Variants in PRDM10 observed in about 807,000 individuals in gnomAD.
PRDM10 encodes the protein PR domain zinc finger protein 10.
Under a neutral mutation model 133.1 loss-of-function variants are expected in PRDM10, and 65 were observed. The observed-to-expected ratio is 0.49, with a 90% CI of 0.40 to 0.60. The LOEUF (loss-of-function observed/expected upper bound fraction) is 0.60, where lower values mean the gene tolerates loss of function less well. PRDM10 is among the 20% of genes least tolerant of loss of function. The pLI is 0.00. For missense variants in PRDM10, 1,137 were observed against 1,507.1 expected, an observed-to-expected ratio of 0.75 and a Z score of 4.07; for synonymous variants, 582 against 580.4, an observed-to-expected ratio of 1.00 and a Z score of -0.04.
intron 4 of PRDM10, among the ~76,000 whole-genome samples, chr11:129,955,226 C>T (rs1004760302): frequency 1.3e-5 from 2 of 152,056 alleles, no homozygotes; most frequent in East Asian, 3.8e-4. Flanking sequence ...ACTTTTAAAC[C>T]TCATGATTAT....
chr11:129,998,178 A>T (rs955119235), intron 1 of PRDM10, among the ~76,000 whole-genome samples: 1 of 150,698 alleles, frequency 6.6e-6, no homozygotes, highest in African/African-American at 2.5e-5. Flanking sequence ...GAAAGATATT[A>T]TTTTTTTCTA....
At chr11:129,957,382 G>A (rs770284202) in intron 3 of PRDM10, among the ~76,000 whole-genome samples, 11 of 151,996 alleles carry the variant, frequency 7.2e-5, no homozygotes, top group African/African-American at 1.5e-4. Context: ...GCAGTGGCGC[G>A]ATCTCGGCTC....
chr11:129,932,527 C>G (rs190230226), intron 9 of PRDM10, among the ~76,000 whole-genome samples: 35 of 152,322 alleles, frequency 2.3e-4, no homozygotes, highest in Admixed American at 2.2e-3. Context: ...GCAGACAGGA[C>G]AGAACATGCT....
rs560102434 is a variant in PRDM10, at chr11:129,900,057, C to T, written c.*2256G>A. 6.5e-6 allele frequency: 1 copy of T among 152,722 alleles called. No homozygotes were observed. The highest frequency in any genetic ancestry group is 2.1e-4 in the South Asian group (1 of 4,828). The allele number at this position is 152,722 out of a possible 1,614,324, so 9.5% of individuals were successfully genotyped here. ...GATAAAAACAAAATCTACATCCAAC[C>T]TACTCCAAAATACTCACACTGGACT... On this transcript the variant is annotated 3_prime_UTR_variant, in exon 21 of 21. Transcript: ENST00000360871.
At chr11:129,961,957 C>T (rs1001143653) in intron 1 of PRDM10, among the ~76,000 whole-genome samples, 7 of 152,066 alleles carry the variant, frequency 4.6e-5, no homozygotes, top group African/African-American at 1.4e-4. Context: ...TCCTTGTAGA[C>T]ACTAACTTCC....
Position 129,915,728 on chromosome 11 carries a change from G to A in PRDM10, c.2458C>T (p.Gln820Ter). Residue 820 changes from glutamine (Q) to a stop codon, truncating the protein, a stop_gained, in exon 16 of 21, where the codon CAG becomes TAG. Coordinates refer to ENST00000360871, the MANE Select transcript of PRDM10 (RefSeq NM_199437.2). LOFTEE classifies it high-confidence loss of function. ...GGGGTGGCGATGGTGCCCGTCAGCT[G>A]GGTGTGTGTGCTCAGCATGGGGTCT... is the stretch of plus-strand genomic sequence containing the variant. ...EPDPMLSTHTQLTGTIATPPV... is the reference protein window; with the variant it reads ...EPDPMLSTHT The A allele has an allele frequency of 6.2e-7, 1 of 1,614,144 alleles. No homozygotes were observed. The highest frequency in any genetic ancestry group is 8.5e-7 in the Non-Finnish European group (1 of 1,180,020).
In PRDM10 at chr11:129,932,209, G is replaced by C; in HGVS notation, c.1180C>G (p.Arg394Gly). 1.9e-6 allele frequency: 3 copies of C among 1,613,894 alleles called. No homozygotes were observed. The highest frequency in any genetic ancestry group is 2.2e-5 in the South Asian group (2 of 91,066). Reference protein sequence around the residue: ...FSRTRGRGRGRGKRRFGPGRR... With the variant: ...FSRTRGRGRGGGKRRFGPGRR... Reference sequence around the variant, plus strand: ...CCTGGACCGAATCGCCTCTTGCCTCGTCCCCTTCCTCTGCCTCTTGTTCTG... The same window carrying C: ...CCTGGACCGAATCGCCTCTTGCCTCCTCCCCTTCCTCTGCCTCTTGTTCTG... Residue 394 changes from arginine (R) to glycine (G), a missense_variant, in exon 10 of 21, where the codon CGA becomes GGA. Physicochemically the swap from Arg to Gly is moderately radical, Grantham distance 125. Around this residue, in one of 6 missense-constraint regions of PRDM10, gnomAD observed 635 missense variants for 835.2 expected, o/e 0.76. Transcript: ENST00000360871.
intron 1 of PRDM10, among the ~76,000 whole-genome samples, chr11:129,968,128 T>C (rs1160388925): frequency 6.6e-6 from 1 of 152,214 alleles, no homozygotes; most frequent in African/African-American, 2.4e-5. Context: ...ACTTAAAATG[T>C]TGTGACACAC....
At chr11:129,946,214 C>T (rs986561975) in intron 5 of PRDM10, among the ~76,000 whole-genome samples, 1 of 151,794 alleles carries the variant, frequency 6.6e-6, no homozygotes, top group African/African-American at 2.4e-5. Flanking sequence ...TGAACCACTG[C>T]ACTCCAGCTT....
chr11:129,977,176 C>G (rs1239418311), intron 1 of PRDM10, among the ~76,000 whole-genome samples: 1 of 151,758 alleles, frequency 6.6e-6, no homozygotes, highest in Non-Finnish European at 1.5e-5. Flanking sequence ...GAGCACAGTG[C>G]CCCTCTTATC....
intron 1 of PRDM10, among the ~76,000 whole-genome samples, chr11:129,987,634 T>C (rs926517744): frequency 1.3e-5 from 2 of 151,744 alleles, no homozygotes; most frequent in African/African-American, 4.9e-5. Flanking sequence ...ATGGAAACGA[T>C]CCAAATACTC....
intron 13 of PRDM10, among the ~76,000 whole-genome samples, chr11:129,920,024 T>C (rs1950476031): frequency 6.6e-6 from 1 of 152,194 alleles, no homozygotes; most frequent in African/African-American, 2.4e-5. Flanking sequence ...GACAGTATCT[T>C]TCTTTAGTGT....
rs577602114 is a variant in PRDM10, at chr11:129,987,883, T to C, written c.-119+14839A>G. On this transcript the variant is annotated intron_variant, in intron 1 of 20. Coordinates refer to ENST00000360871, the MANE Select transcript of PRDM10 (RefSeq NM_199437.2). ...GGGCGCAGTGGCAGGTGCCTGTAGT[T>C]CCAGCTACTCGGGAGACTGAGGCAG... Among the ~76,000 whole-genome samples, 535 of 152,114 alleles carry C rather than the reference T, an allele frequency of 3.5e-3. 3 individuals are homozygous for C. The highest frequency in any genetic ancestry group is 0.012 in the African/African-American group (512 of 41,494).
chr11:129,978,816 C>G (rs754813745), intron 1 of PRDM10, among the ~76,000 whole-genome samples: 8 of 152,214 alleles, frequency 5.3e-5, no homozygotes, highest in Non-Finnish European at 1.0e-4. Context: ...TCTTCATGTT[C>G]ACCCAAGAAA....
intron 1 of PRDM10, among the ~76,000 whole-genome samples, chr11:129,971,362 T>C (rs1257116539): frequency 6.6e-6 from 1 of 152,212 alleles, no homozygotes; most frequent in Non-Finnish European, 1.5e-5. Context: ...AGGGTGCTGA[T>C]TGGTGCATTT....
At chr11:129,938,394 C>T (rs1249965312) in intron 7 of PRDM10, among the ~76,000 whole-genome samples, 2 of 152,196 alleles carry the variant, frequency 1.3e-5, no homozygotes, top group Non-Finnish European at 2.9e-5. Flanking sequence ...CCATCTTCCC[C>T]ATCTTGATGA....
intron 1 of PRDM10, among the ~76,000 whole-genome samples, chr11:129,963,013 G>C (rs112783203): frequency 8.5e-5 from 13 of 152,138 alleles, no homozygotes; most frequent in African/African-American, 3.1e-4. Flanking sequence ...GCCAGGTGTG[G>C]TGGTGTGCAC....
At chr11:129,969,508 G>T (rs1951971560) in intron 1 of PRDM10, among the ~76,000 whole-genome samples, 1 of 152,044 alleles carries the variant, frequency 6.6e-6, no homozygotes, top group Admixed American at 6.5e-5. Flanking sequence ...TTAACAAATA[G>T]GAAGGCCTGG....
intron 1 of PRDM10, among the ~76,000 whole-genome samples, chr11:129,999,458 T>C (rs1425263380): frequency 6.6e-6 from 1 of 152,168 alleles, no homozygotes; most frequent in Non-Finnish European, 1.5e-5. Context: ...GAAAAACAAA[T>C]TGCTGGACTG....
Sources: gnomAD v4.1 joint callset for allele counts (sites outside exome capture counted in the v4.1 genomes callset) on GRCh38, gnomAD v4.1.1 for gene constraint, gnomAD v4.1.1 regional missense constraint, MANE v1.5 for transcripts, NCBI Gene and HGNC (gene_info 2026-07-23, HGNC 2026-07-21) for gene names.